The following HHLA1 variants were observed in gnomAD, a reference collection of about 807,000 sequenced individuals.
HHLA1 encodes HERV-H LTR-associating protein 1.
In HHLA1, 72 loss-of-function variants were observed where a neutral mutation model predicts 69.9. The ratio of observed to expected loss-of-function variants is 1.03; its 90% confidence interval spans 0.85 to 1.25. HHLA1 has a LOEUF of 1.25. HHLA1 is among the 50% of genes most tolerant of loss of function. HHLA1 has a pLI of 0.00. For missense variants in HHLA1, 685 were observed against 642.2 expected (o/e 1.07, Z -0.72); for synonymous variants, 252 against 233.2 (o/e 1.08, Z -0.73).
At chr8:132,102,185 A>G (rs750211602) in intron 3 of HHLA1, among the ~76,000 whole-genome samples, 36 of 152,348 alleles carry the variant, frequency 2.4e-4, no homozygotes, top group Middle Eastern at 6.8e-3. Flanking sequence ...TTTCTTATTT[A>G]AGACCGAATA....
intron 7 of HHLA1, among the ~76,000 whole-genome samples, chr8:132,092,418 A>G (rs1205740401): frequency 6.6e-6 from 1 of 152,158 alleles, no homozygotes; most frequent in Non-Finnish European, 1.5e-5. Flanking sequence ...CCCAAATCTC[A>G]TGTCAAATTG....
At chr8:132,094,379 C>CA (rs1300862470) in intron 7 of HHLA1, among the ~76,000 whole-genome samples, 1 of 152,182 alleles carries the variant, frequency 6.6e-6, no homozygotes, top group African/African-American at 2.4e-5. Flanking sequence ...AGAATCCTCG[C>CA]AGCAGACCTT....
intron 15 of HHLA1, among the ~76,000 whole-genome samples, chr8:132,067,329 G>A (rs4483137): frequency 0.28 from 42,604 of 152,146 alleles, 9,213 homozygotes; most frequent in African/African-American, 0.59. Flanking sequence ...CTGGTTGGCA[G>A]TGTGTTCTGG....
chr8:132,097,588 C>T (rs1457053878), intron 5 of HHLA1, among the ~76,000 whole-genome samples: 3 of 152,290 alleles, frequency 2.0e-5, no homozygotes, highest in East Asian at 1.9e-4. Context: ...CAGGGCCTTG[C>T]AGAGGAAAGG....
chr8:132,063,661 C>A lies in HHLA1; in HGVS notation c.*334G>T, dbSNP rs540532727. ...GTGCAGGCTAGAGTGCCCACGCATC[C>A]CCAGTTTTTAAATTGTCAGGATTGC... On this transcript the variant is annotated 3_prime_UTR_variant, in exon 17 of 17. Coordinates refer to ENST00000414222, the MANE Select transcript of HHLA1 (RefSeq NM_001145095.3). 3 of 165,634 alleles carry A rather than the reference C, an allele frequency of 1.8e-5. No individual in the cohort carries two copies. In the South Asian group the frequency reaches 4.9e-4, roughly 27 times the overall value. 10.3% of individuals were successfully genotyped at this position (165,634 alleles called of 1,614,324 possible).
At chr8:132,099,950 A>C in intron 4 of HHLA1, 125 bp downstream of exon 4, 1 of 679,532 alleles carries the variant, frequency 1.5e-6, no homozygotes. Flanking sequence ...ACTTTTACTT[A>C]ATGATCAGAT....
rs1279970706 is a variant in HHLA1, at chr8:132,079,800, G to A, written c.843C>T (p.Thr281=). 1.3e-6 allele frequency: 2 copies of A among 1,551,582 alleles called. No individual in the cohort carries two copies. Among genetic ancestry groups the A allele is most frequent in the East Asian group, 2.4e-5 (1 of 40,922 alleles). The change falls in exon 11 of 17, where the codon ACC becomes ACT. Residue 281 remains threonine, a synonymous_variant. Coordinates refer to ENST00000414222, the MANE Select transcript of HHLA1 (RefSeq NM_001145095.3). ...GCTCAGGAGGCCTGCCTGTGTTCAG[G>A]GTCTCCTCTGTTTCTGAAGGAGCAG... ...ETAAPSETEE[T]LNTGRPPELP... is the part of the protein sequence containing the mutation.
rs568621512 is a variant in HHLA1, at chr8:132,062,131, A to T, written c.*1864T>A. ...TCCACGCAAGGGTTGAATCAAATTA[A>T]TCCATGCTTAATGAGTTTGCTTGGT... is the stretch of plus-strand genomic sequence containing the variant. On this transcript the variant is annotated 3_prime_UTR_variant, in exon 17 of 17. Coordinates refer to ENST00000414222, the MANE Select transcript of HHLA1 (RefSeq NM_001145095.3). 1.3e-5 allele frequency: 2 copies of T among 152,142 alleles called. No homozygotes were observed. The highest frequency in any genetic ancestry group is 2.9e-5 in the Non-Finnish European group (2 of 68,026). The allele number at this position is 152,142 out of a possible 1,614,324, so 9.4% of individuals were successfully genotyped here.
At chr8:132,092,312 A>G (rs1194406441) in intron 7 of HHLA1, among the ~76,000 whole-genome samples, 3 of 152,160 alleles carry the variant, frequency 2.0e-5, no homozygotes, top group Non-Finnish European at 4.4e-5. Context: ...AATTCTGGGA[A>G]ATAGGATGTA....
At chr8:132,087,563 A>T in intron 10 of HHLA1, 90 bp downstream of exon 10, 1 of 763,516 alleles carries the variant, frequency 1.3e-6, no homozygotes, top group Non-Finnish European at 2.2e-6. Context: ...GCGAAACACA[A>T]CACCTGAGGG....
At chr8:132,069,774 G>C (rs998306588) in intron 15 of HHLA1, 1 of 151,812 alleles carries the variant, frequency 6.6e-6, no homozygotes, top group Non-Finnish European at 1.5e-5. Flanking sequence ...CAGTTTCTGA[G>C]GCTATTTCTG....
intron 7 of HHLA1, among the ~76,000 whole-genome samples, chr8:132,090,128 T>A (rs1008153674): frequency 2.0e-5 from 3 of 152,202 alleles, no homozygotes; most frequent in Non-Finnish European, 2.9e-5. Context: ...GCCCCCTTTT[T>A]AAAGGAACTG....
In HHLA1 at chr8:132,063,014, T is replaced by C. The variant is rs972933361; in HGVS notation, c.*981A>G. 1 of 152,224 alleles carries C rather than the reference T, an allele frequency of 6.6e-6. No homozygotes were observed. Among genetic ancestry groups the C allele is most frequent in the Non-Finnish European group, 1.5e-5 (1 of 68,068 alleles). The allele number at this position is 152,224 out of a possible 1,614,324, so 9.4% of individuals were successfully genotyped here. A position where few individuals can be genotyped will look rare whatever the true frequency, so the allele number is the denominator to read the frequency against. ...GAGACTGAATAACTAAGTTTAGCCA[T>C]GCAGGCCATGAAGGCACTCCATACC... On this transcript the variant is annotated 3_prime_UTR_variant, in exon 17 of 17. Coordinates refer to ENST00000414222, the MANE Select transcript of HHLA1 (RefSeq NM_001145095.3).
Position 132,095,521 on chromosome 8 carries a change from G to T in HHLA1, c.446C>A (p.Ser149Ter). ...GCCTCATGGTAAGCTGTACCCACCT[G>T]ATAAGTCATTGGTCCGATTGTTTAA... ...YCLNNRTNDL[S>*]DFTALLVDII... The change falls in exon 7 of 17, where the codon TCA (serine) becomes TAA (stop). Residue 149 changes from serine (S) to a stop codon, truncating the protein, a stop_gained and splice_region_variant. Coordinates refer to ENST00000414222, the MANE Select transcript of HHLA1 (RefSeq NM_001145095.3). LOFTEE classifies it high-confidence loss of function. 1.9e-6 allele frequency: 3 copies of T among 1,545,018 alleles called. No individual in the cohort carries two copies. In the South Asian group the frequency reaches 3.6e-5, roughly 18 times the overall value.
At chr8:132,072,151 C>T (rs1296692383) in intron 14 of HHLA1, among the ~76,000 whole-genome samples, 1 of 152,030 alleles carries the variant, frequency 6.6e-6, no homozygotes, top group Non-Finnish European at 1.5e-5. Context: ...TTCCGTGAAC[C>T]AGATTTTCAG....
intron 16 of HHLA1, among the ~76,000 whole-genome samples, chr8:132,064,532 T>G (rs1271909543): frequency 6.6e-6 from 1 of 152,190 alleles, no homozygotes; most frequent in Non-Finnish European, 1.5e-5. Context: ...AATGCCTATA[T>G]ATTTTTTGGT....
Position 132,079,886 on chromosome 8 carries a change from G to T in HHLA1, c.757C>A (p.His253Asn). The change falls in exon 11 of 17, where the codon CAC becomes AAC. Residue 253 changes from histidine to asparagine, a missense_variant. By Grantham distance (68) the His-to-Asn change is moderately conservative. Coordinates refer to ENST00000414222, the MANE Select transcript of HHLA1 (RefSeq NM_001145095.3). ...GCCCAGGGTGTGCTCTGGGTCCAGT[G>T]TCCGGGGCTTGTACTTGGTAGTGTT... is the stretch of plus-strand genomic sequence containing the variant. ...QKTLPSTSPG[H>N]WTQSTPWASA... The T allele has an allele frequency of 4.5e-6, 7 of 1,552,178 alleles. No individual in the cohort carries two copies. Among genetic ancestry groups the T allele is most frequent in the Non-Finnish European group, 6.1e-6 (7 of 1,147,092 alleles).
intron 5 of HHLA1, among the ~76,000 whole-genome samples, chr8:132,096,430 A>C (rs1330319419): frequency 6.6e-6 from 1 of 152,238 alleles, no homozygotes; most frequent in East Asian, 1.9e-4. Flanking sequence ...CTCTTTTGAC[A>C]TATAAAGTAG....
intron 10 of HHLA1, among the ~76,000 whole-genome samples, chr8:132,083,417 T>C (rs1215565330): frequency 6.6e-6 from 1 of 152,052 alleles, no homozygotes; most frequent in East Asian, 1.9e-4. Flanking sequence ...GGGGACGGGC[T>C]TACCTTCCAC....
Sources: allele counts gnomAD v4.1 joint callset (sites outside exome capture counted in the v4.1 genomes callset), GRCh38; gene constraint gnomAD v4.1.1; transcripts MANE v1.5; gene names NCBI Gene and HGNC (gene_info 2026-07-23, HGNC 2026-07-21).